PRKN: variants seen among roughly 807,000 people sequenced by gnomAD.
PRKN encodes the protein parkin RBR E3 ubiquitin protein ligase, also known as E3 ubiquitin-protein ligase parkin.
PRKN carries 56 observed loss-of-function variants against 59.5 expected under a neutral mutation model. The observed-to-expected ratio is 0.94, with a 90% CI of 0.76 to 1.18. The LOEUF is 1.18. Among genes scored for constraint, PRKN ranks in the 50% most tolerant of loss-of-function variants. The pLI is 0.00. For synonymous variants in PRKN, 250 were observed against 222.1 expected, an observed-to-expected ratio of 1.13 and a Z score of -1.12; for missense variants, 657 against 596.4, an observed-to-expected ratio of 1.10 and a Z score of -1.06.
At chr6:161,742,502 T>C (rs1788231456) in intron 7 of PRKN, among the ~76,000 whole-genome samples, 3 of 152,196 alleles carry the variant, frequency 2.0e-5, no homozygotes, top group African/African-American at 4.8e-5. Flanking sequence ...TTCATGACGC[T>C]TTCAAAACAA....
intron 7 of PRKN, among the ~76,000 whole-genome samples, chr6:161,622,105 A>G (rs1157029684): frequency 6.6e-6 from 1 of 151,992 alleles, no homozygotes; most frequent in East Asian, 1.9e-4. Context: ...CAAGGTGGTG[A>G]CTGGGTCCTC....
At chr6:161,896,539 TC>T (rs1239675085) in intron 6 of PRKN, among the ~76,000 whole-genome samples, 5 of 152,106 alleles carry the variant, frequency 3.3e-5, no homozygotes, top group African/African-American at 1.2e-4. Context: ...AGTAGAAACA[TC>T]CCCTGACCTA....
At chr6:161,453,880 A>G (rs1291162926) in intron 9 of PRKN, among the ~76,000 whole-genome samples, 1 of 152,018 alleles carries the variant, frequency 6.6e-6, no homozygotes, top group African/African-American at 2.4e-5. Context: ...ACATAGAAAA[A>G]TCAGTAATGT....
intron 1 of PRKN, among the ~76,000 whole-genome samples, chr6:162,555,484 C>T (rs1779523334): frequency 6.6e-6 from 1 of 152,094 alleles, no homozygotes; most frequent in African/African-American, 2.4e-5. Flanking sequence ...TAGAAGCTTT[C>T]TTTTCTATTG....
chr6:161,397,537 C>T lies in PRKN; in HGVS notation c.1084-10660G>A, dbSNP rs1196821246. ...AACAACTTCTCAAAATCTATTCCAC[C>T]CTTCCCAACTCCTCTTTTAAGATGC... is the stretch of plus-strand genomic sequence containing the variant. On this transcript the variant is annotated intron_variant, in intron 9 of 11. Transcript: ENST00000366898. This position sits in a 1 kb window ranked among gnomAD's most constrained non-coding sequence, Gnocchi z 4.2. Among the ~76,000 whole-genome samples the T allele has an allele frequency of 6.6e-6, 1 of 152,164 alleles. No individual in the cohort carries two copies. The highest frequency in any genetic ancestry group is 2.4e-5 in the African/African-American group (1 of 41,422).
intron 3 of PRKN, among the ~76,000 whole-genome samples, chr6:162,213,854 CACACAT>C (rs1344471769): frequency 7.8e-5 from 8 of 102,882 alleles, no homozygotes; most frequent in South Asian, 6.7e-4. Flanking sequence ...CACACACACA[CACACAT>C]ATGAATAGTA....
rs73596203 is a variant in PRKN at position 162,202,931 on chromosome 6, A to G, written c.413-1679T>C. 7.3e-3 allele frequency among the ~76,000 whole-genome samples: 1,118 copies of G among 152,314 alleles called. 11 individuals are homozygous for G. The highest frequency in any genetic ancestry group is 0.025 in the African/African-American group (1,050 of 41,570). On this transcript the variant is annotated intron_variant, in intron 3 of 11. Transcript: ENST00000366898. ...TTTATCAGCAACAGGAACAAATCCA[A>G]TTTCACAATTTTTATAACCTTTTGT... is the stretch of plus-strand genomic sequence containing the variant.
At chr6:161,486,514 C>G (rs748064569) in intron 9 of PRKN, among the ~76,000 whole-genome samples, 1 of 152,134 alleles carries the variant, frequency 6.6e-6, no homozygotes, top group Non-Finnish European at 1.5e-5. Flanking sequence ...AACAGAGGCT[C>G]GGAGCAGATA....
At chr6:162,584,936 T>C (rs71551179) in intron 1 of PRKN, among the ~76,000 whole-genome samples, 1,491 of 118,174 alleles carry the variant, frequency 0.013, 113 homozygotes, top group Middle Eastern at 0.043. Flanking sequence ...AGATGGAGTC[T>C]CACTCTGTCG....
intron 2 of PRKN, among the ~76,000 whole-genome samples, chr6:162,299,886 T>C (rs118033838): frequency 8.1e-4 from 124 of 152,276 alleles, no homozygotes; most frequent in Non-Finnish European, 7.9e-4. Flanking sequence ...TCTGAATCAA[T>C]GTTTCCATGC....
intron 9 of PRKN, among the ~76,000 whole-genome samples, chr6:161,481,790 G>T (rs1442325415): frequency 6.6e-6 from 1 of 152,028 alleles, no homozygotes; most frequent in East Asian, 1.9e-4. Context: ...CTTACTGATT[G>T]TGCCCTAGAA....
chr6:162,592,824 T>G (rs1781362212), intron 1 of PRKN, among the ~76,000 whole-genome samples: 1 of 125,128 alleles, frequency 8.0e-6, no homozygotes, highest in Non-Finnish European at 1.9e-5. Flanking sequence ...AAATATACTT[T>G]ATTATAAGAA....
In PRKN at chr6:162,024,590, C is replaced by A. The variant is rs552829312; in HGVS notation, c.618+29501G>T. On this transcript the variant is annotated intron_variant, in intron 5 of 11. Transcript: ENST00000366898. ...TTCTCCTTAAAGAGATCTTTCATCT[C>A]CTTGATTAAATGTATTCCCAGGAAT... Among the ~76,000 whole-genome samples the A allele has an allele frequency of 6.6e-5, 10 of 152,242 alleles. No individual in the cohort carries two copies. In the East Asian group the frequency reaches 9.7e-4, roughly 15 times the overall value.
chr6:162,330,143 T>C (rs1290076311), intron 2 of PRKN, among the ~76,000 whole-genome samples: 1 of 152,192 alleles, frequency 6.6e-6, no homozygotes, highest in Non-Finnish European at 1.5e-5. Context: ...GCAAGTCAGG[T>C]CTTTTGAAAA....
intron 5 of PRKN, among the ~76,000 whole-genome samples, chr6:162,027,834 A>G (rs1363119739): frequency 6.6e-6 from 1 of 151,516 alleles, no homozygotes; most frequent in African/African-American, 2.4e-5. Flanking sequence ...GTAGGGAGAA[A>G]GTGGAGAGGA....
At chr6:162,653,319 T>TGC (rs1491403940) in intron 1 of PRKN, among the ~76,000 whole-genome samples, 67 of 45,792 alleles carry the variant, frequency 1.5e-3, no homozygotes, top group African/African-American at 8.0e-3. Flanking sequence ...AGTTTGTGTT[T>TGC]GTGTGTGTGT....
intron 1 of PRKN, among the ~76,000 whole-genome samples, chr6:162,559,568 C>G (rs934328652): frequency 1.3e-5 from 2 of 152,186 alleles, no homozygotes; most frequent in African/African-American, 4.8e-5. Context: ...TTCATCCCAG[C>G]TGAGGCATTT....
At chr6:162,012,548 A>G (rs1391907243) in intron 5 of PRKN, among the ~76,000 whole-genome samples, 1 of 152,172 alleles carries the variant, frequency 6.6e-6, no homozygotes, top group Non-Finnish European at 1.5e-5. Flanking sequence ...CCTGAGAATA[A>G]AAACATTCAT....
At chr6:162,488,483 G>C (rs1792658873) in intron 1 of PRKN, among the ~76,000 whole-genome samples, 1 of 152,146 alleles carries the variant, frequency 6.6e-6, no homozygotes, top group South Asian at 2.1e-4. Flanking sequence ...TACCTCATGA[G>C]ATCAGCAGAG....
Sources: allele counts gnomAD v4.1 joint callset (sites outside exome capture counted in the v4.1 genomes callset), GRCh38; gene constraint gnomAD v4.1.1; non-coding constraint Gnocchi (gnomAD v3.1); transcripts MANE v1.5; gene names NCBI Gene and HGNC (gene_info 2026-07-23, HGNC 2026-07-21).